Variants in TMEM63C observed in about 807,000 individuals in gnomAD.
TMEM63C encodes transmembrane protein 63C.
A neutral mutation model predicts 99.2 loss-of-function variants in TMEM63C; 32 were observed. That is an observed-to-expected ratio of 0.32 (90% CI 0.24 to 0.43). The LOEUF is 0.43. TMEM63C is among the 20% of genes least tolerant of loss of function. The probability of loss-of-function intolerance (pLI) is 1.00; values close to 1 mark genes in which losing one functional copy is unlikely to be tolerated. For synonymous variants in TMEM63C, 376 were observed against 397.9 expected (o/e 0.94, Z 0.66); for missense variants, 826 against 1,053.0 (o/e 0.78, Z 2.98).
At chr14:77,191,866 T>C (rs1888117207) in intron 1 of TMEM63C, among the ~76,000 whole-genome samples, 2 of 152,208 alleles carry the variant, frequency 1.3e-5, no homozygotes, top group Admixed American at 1.3e-4. Context: ...TTCTTAGTGA[T>C]ATTCTGTCTG....
chr14:77,219,471 C>T lies in TMEM63C; in HGVS notation c.151-27C>T, dbSNP rs995842595. 8 of 1,612,466 alleles carry T rather than the reference C, an allele frequency of 5.0e-6. No individual in the cohort carries two copies. In the African/African-American group the frequency reaches 9.3e-5, roughly 19 times the overall value. On this transcript the variant is annotated intron_variant, in intron 3 of 23. Coordinates refer to ENST00000298351, the MANE Select transcript of TMEM63C (RefSeq NM_020431.4). ...GGGAAGGGATCCATGAAGTCTCCCA[C>T]CCCACATTGCTTTTCCTGGCCTGTA... is the stretch of plus-strand genomic sequence containing the variant.
At chr14:77,211,924 C>T (rs1888503192) in intron 1 of TMEM63C, among the ~76,000 whole-genome samples, 1 of 152,194 alleles carries the variant, frequency 6.6e-6, no homozygotes, top group Admixed American at 6.5e-5. Flanking sequence ...CAAAGCAAGG[C>T]TGACATTTAT....
intron 1 of TMEM63C, among the ~76,000 whole-genome samples, chr14:77,185,303 C>T (rs1887977624): frequency 6.6e-6 from 1 of 152,210 alleles, no homozygotes; most frequent in Non-Finnish European, 1.5e-5. Context: ...GCCAGGGCCT[C>T]TGGTGTCCTT....
At chr14:77,212,030 G>T (rs17812370) in intron 1 of TMEM63C, among the ~76,000 whole-genome samples, 9,040 of 152,266 alleles carry the variant, frequency 0.059, 358 homozygotes, top group Middle Eastern at 0.15. Context: ...CTCTCCTCTT[G>T]CCTGCCCCAG....
chr14:77,242,576 G>A (rs1889196689), intron 14 of TMEM63C, 107 bp downstream of exon 14: 1 of 1,435,090 alleles, frequency 7.0e-7, no homozygotes, highest in Non-Finnish European at 9.6e-7. Context: ...GAGACTCCAA[G>A]GGGACTAAGT....
rs1422287227 is a variant in TMEM63C, at chr14:77,248,344, C to G, written c.1602-3C>G. ...GCCACCTTCCCTCTCCCTCACTGCC[C>G]AGGTGTGTGTTCCTGCCAGACAACG... On this transcript the variant is annotated splice_region_variant and splice_polypyrimidine_tract_variant and intron_variant, in intron 18 of 23. Coordinates refer to ENST00000298351, the MANE Select transcript of TMEM63C (RefSeq NM_020431.4). 9 of 1,607,852 alleles carry G rather than the reference C, an allele frequency of 5.6e-6. No homozygotes were observed. In the South Asian group the frequency reaches 8.9e-5, roughly 16 times the overall value.
chr14:77,216,346 T>C (rs1344028930), intron 2 of TMEM63C, among the ~76,000 whole-genome samples: 1 of 151,038 alleles, frequency 6.6e-6, no homozygotes, highest in Non-Finnish European at 1.5e-5. Flanking sequence ...ACCCCGAGGC[T>C]CCCACCTTGG....
At chr14:77,220,224 G>T (rs1888666901) in intron 5 of TMEM63C, 137 bp downstream of exon 5, 1 of 781,868 alleles carries the variant, frequency 1.3e-6, no homozygotes, top group Non-Finnish European at 2.1e-6. Context: ...GTGTGACCTT[G>T]AGCAAATTCC....
intron 2 of TMEM63C, among the ~76,000 whole-genome samples, chr14:77,216,920 C>A (rs1888596514): frequency 6.6e-6 from 1 of 152,288 alleles, no homozygotes; most frequent in South Asian, 2.1e-4. Context: ...AATCCCAGCA[C>A]TTTGGGAGTC....
intron 22 of TMEM63C, among the ~76,000 whole-genome samples, chr14:77,252,958 CTT>C (rs1889395066): frequency 6.6e-6 from 1 of 152,212 alleles, no homozygotes; most frequent in Non-Finnish European, 1.5e-5. Context: ...GTGTAGGACA[CTT>C]TCCAAATTAG....
At chr14:77,235,513 T>TCC (rs746329128) in intron 8 of TMEM63C, among the ~76,000 whole-genome samples, 2,013 of 2,346 alleles carry the variant, frequency 0.86, 993 homozygotes, top group African/African-American at 0.93. Context: ...GGGTGGCGGT[T>TCC]ATGGGGAGAC....
In TMEM63C at chr14:77,225,469, C is replaced by G; in HGVS notation, c.350+8C>G. ...CAACAGCATAACAATGAAGTAAGTG[C>G]CCGGGCTCTGTGAGCTTGTGACCGT... On this transcript the variant is annotated splice_region_variant and intron_variant, in intron 6 of 23. Coordinates refer to ENST00000298351, the MANE Select transcript of TMEM63C (RefSeq NM_020431.4). 1.2e-6 allele frequency: 2 copies of G among 1,612,920 alleles called. No homozygotes were observed. Among genetic ancestry groups the G allele is most frequent in the Non-Finnish European group, 1.7e-6 (2 of 1,179,474 alleles).
intron 1 of TMEM63C, among the ~76,000 whole-genome samples, chr14:77,207,659 T>C (rs1172612049): frequency 3.3e-5 from 5 of 152,226 alleles, no homozygotes. Flanking sequence ...ACGTGTAAGA[T>C]GGGGATACTG....
chr14:77,189,276 A>ATTT (rs5809812), intron 1 of TMEM63C, among the ~76,000 whole-genome samples: 2 of 146,168 alleles, frequency 1.4e-5, no homozygotes, highest in South Asian at 2.2e-4. Flanking sequence ...CACCCAGCTA[A>ATTT]TTTTTTTTTT....
At chr14:77,216,127 G>GGAGGGA (rs1555347281) in intron 2 of TMEM63C, among the ~76,000 whole-genome samples, 1 of 148,902 alleles carries the variant, frequency 6.7e-6, no homozygotes. Context: ...AAGGAGGGAG[G>GGAGGGA]GAGAGAGAGA....
At chr14:77,209,644 AG>A in intron 1 of TMEM63C, among the ~76,000 whole-genome samples, 1 of 152,296 alleles carries the variant, frequency 6.6e-6, no homozygotes, top group Non-Finnish European at 1.5e-5. Flanking sequence ...AGGTTCAGAC[AG>A]GGCTGGTAAT....
chr14:77,250,310 A>G (rs1889336508), intron 21 of TMEM63C, among the ~76,000 whole-genome samples: 1 of 152,092 alleles, frequency 6.6e-6, no homozygotes, highest in East Asian at 1.9e-4. Context: ...GAAATCTCTC[A>G]GCTTTCTCCC....
intron 1 of TMEM63C, among the ~76,000 whole-genome samples, chr14:77,199,944 A>C (rs1486509841): frequency 6.6e-6 from 1 of 152,200 alleles, no homozygotes; most frequent in African/African-American, 2.4e-5. Flanking sequence ...CCGGTGAAGG[A>C]CGAGGAGAGA....
chr14:77,248,973 C>A (rs760265643), intron 20 of TMEM63C, 101 bp downstream of exon 20: 52 of 1,202,904 alleles, frequency 4.3e-5, no homozygotes, highest in Non-Finnish European at 6.1e-5. Context: ...CATGGGGAGA[C>A]CTGTGGTAGG....
Sources: gnomAD v4.1 joint callset for allele counts (sites outside exome capture counted in the v4.1 genomes callset) on GRCh38, gnomAD v4.1.1 for gene constraint, MANE v1.5 for transcripts, NCBI Gene and HGNC (gene_info 2026-07-23, HGNC 2026-07-21) for gene names.